Variants in ATF7IP observed in about 807,000 individuals in gnomAD.
ATF7IP encodes activating transcription factor 7 interacting protein, also known as activating transcription factor 7-interacting protein 1.
Under a neutral mutation model 106.4 loss-of-function variants are expected in ATF7IP, and 23 were observed. That is an observed-to-expected ratio of 0.22 (90% confidence interval 0.16 to 0.31). The LOEUF (loss-of-function observed/expected upper bound fraction) is 0.31. ATF7IP is among the 10% of genes least tolerant of loss of function. ATF7IP has a pLI of 1.00. For synonymous variants in ATF7IP, 542 were observed against 539.0 expected, an observed-to-expected ratio of 1.01 and a Z score of -0.08; for missense variants, 1,334 against 1,524.3, an observed-to-expected ratio of 0.88 and a Z score of 2.08.
intron 9 of ATF7IP, among the ~76,000 whole-genome samples, chr12:14,465,823 T>A (rs535729511): frequency 6.2e-4 from 95 of 152,076 alleles, no homozygotes; most frequent in African/African-American, 2.3e-3. Context: ...ACCAAGAGGG[T>A]TTTATCTCCA....
chr12:14,392,581 C>G (rs781537470), intron 1 of ATF7IP, among the ~76,000 whole-genome samples: 7 of 152,182 alleles, frequency 4.6e-5, no homozygotes, highest in Non-Finnish European at 7.3e-5. Context: ...GATCCTTGCT[C>G]TCTCTCAGGG....
intron 13 of ATF7IP, among the ~76,000 whole-genome samples, chr12:14,489,795 A>G (rs568036608): frequency 9.1e-4 from 139 of 152,336 alleles, no homozygotes; most frequent in Admixed American, 2.4e-3. Flanking sequence ...ACTCAGCCGT[A>G]CAGTGAGTGC....
At chr12:14,494,489 C>A (rs1944946767) in intron 13 of ATF7IP, among the ~76,000 whole-genome samples, 1 of 144,228 alleles carries the variant, frequency 6.9e-6, no homozygotes, top group African/African-American at 2.5e-5. Context: ...TACATATAAA[C>A]TAATTGTATA....
At chr12:14,451,619 GT>G (rs71067797) in intron 6 of ATF7IP, among the ~76,000 whole-genome samples, 31 of 143,138 alleles carry the variant, frequency 2.2e-4, no homozygotes, top group South Asian at 4.3e-4. Flanking sequence ...TGACTTGTTG[GT>G]TTTTTTTTTT....
intron 6 of ATF7IP, among the ~76,000 whole-genome samples, chr12:14,455,429 G>C (rs1189704069): frequency 6.6e-6 from 1 of 152,070 alleles, no homozygotes; most frequent in African/African-American, 2.4e-5. Context: ...TGAAATTATT[G>C]TTGTGTCATA....
rs1941691332 is a variant in ATF7IP, at chr12:14,424,120, G to A, written c.205G>A (p.Glu69Lys). ...LENMDYIKDK[E>K]EVNGIEEICF... is the part of the protein sequence containing the mutation. ...AAACATGGATTACATTAAAGACAAG[G>A]AAGAGGTGAATGGCATTGAAGAGAT... is the stretch of plus-strand genomic sequence containing the variant. Residue 69 changes from glutamate (E) to lysine (K), a missense_variant, in exon 2 of 15, where the codon GAA becomes AAA. Glu to Lys is a moderately conservative substitution (Grantham distance 56). This residue lies in a region of ATF7IP where 74 missense variants were observed against 101.9 expected (regional missense o/e 0.73). Coordinates refer to ENST00000261168, the MANE Select transcript of ATF7IP (RefSeq NM_018179.5). 1 of 1,614,198 alleles carries A rather than the reference G, an allele frequency of 6.2e-7. No homozygotes were observed. Among genetic ancestry groups the A allele is most frequent in the Non-Finnish European group, 8.5e-7 (1 of 1,180,034 alleles).
chr12:14,495,707 A>T (rs1181759196), intron 13 of ATF7IP, among the ~76,000 whole-genome samples: 1 of 152,218 alleles, frequency 6.6e-6, no homozygotes, highest in Non-Finnish European at 1.5e-5. Context: ...TCATTAATAC[A>T]TGGCAAGGAT....
intron 4 of ATF7IP, 116 bp from the exon 5 acceptor site, chr12:14,438,014 C>G (rs1212805852): frequency 1.1e-6 from 1 of 929,614 alleles, no homozygotes; most frequent in East Asian, 2.8e-5. Context: ...GATCCTGCCA[C>G]TGCACTCCAG....
chr12:14,490,091 G>A (rs1252848779), intron 13 of ATF7IP, among the ~76,000 whole-genome samples: 3 of 152,186 alleles, frequency 2.0e-5, no homozygotes, highest in African/African-American at 4.8e-5. Context: ...CCATAGTCAC[G>A]TCAGCCTTGG....
chr12:14,367,010 T>C (rs1486902780), intron 1 of ATF7IP, among the ~76,000 whole-genome samples: 1 of 152,188 alleles, frequency 6.6e-6, no homozygotes. Flanking sequence ...TATAGTTAAA[T>C]CTTATGTAAC....
Position 14,481,171 on chromosome 12 carries a change from T to C in ATF7IP, c.3266T>C (p.Val1089Ala). 6.2e-7 allele frequency: 1 copy of C among 1,613,834 alleles called. No homozygotes were observed. The highest frequency in any genetic ancestry group is 8.5e-7 in the Non-Finnish European group (1 of 1,179,936). The change falls in exon 13 of 15, where the codon GTC becomes GCC. Residue 1089 changes from valine to alanine, a missense_variant. Transcript: ENST00000261168. Reference protein sequence around the residue: ...TVMQAPAVRQVNPQNSVTVRV... With the variant: ...TVMQAPAVRQANPQNSVTVRV... ...ATGCAGGCTCCTGCTGTTCGGCAGG[T>C]CAATCCCCAAAATAGTAAGAGATTT... is the stretch of plus-strand genomic sequence containing the variant.
In ATF7IP at chr12:14,372,931, T is replaced by A. The variant is rs574238598; in HGVS notation, c.-8+7104T>A. The stretch of plus-strand genomic sequence containing the variant: ...TAGTTGTCCTCAGAACTGTCAAAGC[T>A]GTAAAAGGAACTTTCTTTGGTTCAG... On this transcript the variant is annotated intron_variant, in intron 1 of 14. Transcript: ENST00000261168. Among the ~76,000 whole-genome samples the A allele has an allele frequency of 2.0e-5, 3 of 152,298 alleles. No homozygotes were observed. The East Asian group carries it at 5.8e-4, about 29-fold the overall frequency.
intron 6 of ATF7IP, among the ~76,000 whole-genome samples, chr12:14,453,541 C>G (rs561552274): frequency 8.1e-4 from 122 of 151,270 alleles, no homozygotes; most frequent in African/African-American, 2.9e-3. Flanking sequence ...TACAGTTTCT[C>G]TTTGTTGATA....
chr12:14,415,826 T>C (rs912575748), intron 1 of ATF7IP, among the ~76,000 whole-genome samples: 2 of 152,074 alleles, frequency 1.3e-5, no homozygotes, highest in Non-Finnish European at 2.9e-5. Flanking sequence ...TTATAGGTAA[T>C]TTAAAGATAA....
chr12:14,488,309 A>G (rs1032976053), intron 13 of ATF7IP, among the ~76,000 whole-genome samples: 3 of 152,130 alleles, frequency 2.0e-5, no homozygotes, highest in African/African-American at 4.8e-5. Context: ...AGATCCCACA[A>G]TAGTCTATCT....
chr12:14,431,176 A>G (rs1001873112), intron 2 of ATF7IP, among the ~76,000 whole-genome samples: 2 of 152,160 alleles, frequency 1.3e-5, no homozygotes, highest in Non-Finnish European at 1.5e-5. Flanking sequence ...TTAAACATGT[A>G]ATTTGTCTCA....
At chr12:14,375,869 G>A (rs1938717196) in intron 1 of ATF7IP, among the ~76,000 whole-genome samples, 1 of 152,172 alleles carries the variant, frequency 6.6e-6, no homozygotes, top group Non-Finnish European at 1.5e-5. Flanking sequence ...AGTACAGGGA[G>A]ATTTATGAAA....
intron 11 of ATF7IP, among the ~76,000 whole-genome samples, chr12:14,476,689 C>T (rs1315594136): frequency 6.6e-6 from 1 of 151,990 alleles, no homozygotes; most frequent in Non-Finnish European, 1.5e-5. Flanking sequence ...TTTTCTCTCT[C>T]TGTTTATGTT....
intron 6 of ATF7IP, among the ~76,000 whole-genome samples, chr12:14,454,301 T>C (rs1943338035): frequency 6.6e-6 from 1 of 152,160 alleles, no homozygotes; most frequent in South Asian, 2.1e-4. Context: ...TTTGGCAAGC[T>C]GTTGTATTAG....
Sources: gnomAD v4.1 joint callset for allele counts (sites outside exome capture counted in the v4.1 genomes callset) on GRCh38, gnomAD v4.1.1 for gene constraint, gnomAD v4.1.1 regional missense constraint, MANE v1.5 for transcripts, NCBI Gene and HGNC (gene_info 2026-07-23, HGNC 2026-07-21) for gene names.